Variants in AP3B1 observed in about 807,000 individuals in gnomAD.
AP3B1 encodes AP-3 complex subunit beta-1.
A neutral mutation model predicts 132.5 loss-of-function variants in AP3B1; 61 were observed. That is an observed-to-expected ratio of 0.46 (90% CI 0.37 to 0.57). The LOEUF (loss-of-function observed/expected upper bound fraction) is 0.57, where lower values mean the gene tolerates loss of function less well. AP3B1 is among the 20% of genes least tolerant of loss of function. The pLI, the probability that AP3B1 is intolerant of heterozygous loss-of-function variation, is 0.00. For missense variants in AP3B1, 1,120 were observed against 1,289.4 expected (o/e 0.87, Z 2.01); for synonymous variants, 388 against 438.3 (o/e 0.89, Z 1.43).
chr5:78,059,624 C>T (rs1748957965), intron 22 of AP3B1, among the ~76,000 whole-genome samples: 1 of 152,122 alleles, frequency 6.6e-6, no homozygotes, highest in South Asian at 2.1e-4. Flanking sequence ...GAGTGGCTCT[C>T]AAATTGTCAG....
rs560288972 is a variant in AP3B1, at chr5:78,262,120, A to G, written c.204+5400T>C. ...TGTGGGAGTTCTTTATATATTCTGG[A>G]TATCAATCCTTTATCAGATATATGA... On this transcript the variant is annotated intron_variant, in intron 2 of 26. Coordinates refer to ENST00000255194, the MANE Select transcript of AP3B1 (RefSeq NM_003664.5). 1.6e-3 allele frequency among the ~76,000 whole-genome samples: 238 copies of G among 152,242 alleles called. 2 individuals are homozygous for G. Among genetic ancestry groups the G allele is most frequent in the Admixed American group, 2.5e-3 (39 of 15,300 alleles).
intron 2 of AP3B1, among the ~76,000 whole-genome samples, chr5:78,251,876 C>A (rs533186496): frequency 1.3e-5 from 2 of 152,334 alleles, no homozygotes; most frequent in South Asian, 4.1e-4. Context: ...CTGACATTAT[C>A]TCTCCTAACC....
intron 15 of AP3B1, among the ~76,000 whole-genome samples, chr5:78,130,504 T>TA (rs1752641115): frequency 6.6e-6 from 1 of 152,056 alleles, no homozygotes; most frequent in African/African-American, 2.4e-5. Flanking sequence ...AGTAGAATTA[T>TA]AAAAAATACA....
At chr5:78,013,018 G>A (rs987633075) in intron 26 of AP3B1, among the ~76,000 whole-genome samples, 2 of 152,060 alleles carry the variant, frequency 1.3e-5, no homozygotes, top group Non-Finnish European at 1.5e-5. Flanking sequence ...TTCATTTTAT[G>A]TGGCTTTGTA....
intron 26 of AP3B1, 127 bp from the exon 27 acceptor site, chr5:78,003,182 G>T: frequency 9.1e-7 from 1 of 1,101,426 alleles, no homozygotes; most frequent in Non-Finnish European, 1.3e-6. Context: ...GCTCCCTATT[G>T]CCAAAAACCC....
chr5:78,122,116 T>C (rs1235287616), intron 17 of AP3B1, among the ~76,000 whole-genome samples: 2 of 152,222 alleles, frequency 1.3e-5, no homozygotes, highest in Non-Finnish European at 2.9e-5. Context: ...TCTCAATAGA[T>C]GCAGAAACGG....
chr5:78,066,844 C>T (rs914484682), intron 22 of AP3B1, among the ~76,000 whole-genome samples: 9 of 152,184 alleles, frequency 5.9e-5, no homozygotes, highest in South Asian at 2.1e-4. Flanking sequence ...GTGAGAAGAT[C>T]GACCCCAAGA....
intron 2 of AP3B1, among the ~76,000 whole-genome samples, chr5:78,243,936 T>C (rs943601470): frequency 3.3e-5 from 5 of 152,188 alleles, no homozygotes; most frequent in African/African-American, 1.2e-4. Flanking sequence ...CAATGACTCA[T>C]ATTTTAAAAG....
chr5:78,197,539 A>C (rs1170004289), intron 7 of AP3B1, among the ~76,000 whole-genome samples: 1 of 152,132 alleles, frequency 6.6e-6, no homozygotes, highest in Admixed American at 6.5e-5. Flanking sequence ...TCTAAACATA[A>C]ATGTTCACAA....
At chr5:78,084,222 T>G (rs927906015) in intron 22 of AP3B1, among the ~76,000 whole-genome samples, 3 of 152,106 alleles carry the variant, frequency 2.0e-5, no homozygotes, top group Non-Finnish European at 4.4e-5. Context: ...AGATATCAGA[T>G]GGGTCAATAA....
intron 24 of AP3B1, among the ~76,000 whole-genome samples, chr5:78,030,891 C>T (rs1164209793): frequency 6.6e-6 from 1 of 152,082 alleles, no homozygotes; most frequent in Non-Finnish European, 1.5e-5. Flanking sequence ...GTTACCCAGG[C>T]TGGTCTTGAA....
At chr5:78,118,671 C>A (rs1751987542) in intron 17 of AP3B1, among the ~76,000 whole-genome samples, 1 of 152,214 alleles carries the variant, frequency 6.6e-6, no homozygotes, top group Admixed American at 6.5e-5. Context: ...AACAAAGCAG[C>A]CAGGAAGCTC....
intron 22 of AP3B1, among the ~76,000 whole-genome samples, chr5:78,049,428 C>G (rs1028655589): frequency 6.6e-6 from 1 of 152,188 alleles, no homozygotes; most frequent in Non-Finnish European, 1.5e-5. Context: ...CAGCCCTGTG[C>G]TAAGGAGTAT....
At chr5:78,273,112 C>A (rs1234122882) in intron 1 of AP3B1, among the ~76,000 whole-genome samples, 1 of 148,248 alleles carries the variant, frequency 6.7e-6, no homozygotes, top group Non-Finnish European at 1.5e-5. Flanking sequence ...AAAAAGTGAG[C>A]CCCTAGGCCA....
rs1211455744 is a variant in AP3B1 at position 78,175,815 on chromosome 5, T to G, written c.1064A>C (p.Gln355Pro). The G allele has an allele frequency of 6.2e-7, 1 of 1,612,034 alleles. No homozygotes were observed. Among genetic ancestry groups the G allele is most frequent in the Non-Finnish European group, 8.5e-7 (1 of 1,179,238 alleles). Reference protein sequence around the residue: ...SNREVQYIVLQNIATMSIQRK... With the variant: ...SNREVQYIVLPNIATMSIQRK... ...TTGAATTGACATAGTTGCTATATTT[T>G]GTAGGACAATATACTGCACCTCCCT... The change falls in exon 10 of 27, where the codon CAA (glutamine) becomes CCA (proline). Residue 355 changes from glutamine to proline, a missense_variant. Coordinates refer to ENST00000255194, the MANE Select transcript of AP3B1 (RefSeq NM_003664.5).
At chr5:78,242,765 A>G (rs1240836876) in intron 2 of AP3B1, among the ~76,000 whole-genome samples, 1 of 151,938 alleles carries the variant, frequency 6.6e-6, no homozygotes, top group Admixed American at 6.6e-5. Flanking sequence ...ACTATTTTAC[A>G]TTTCTATTTA....
At chr5:78,153,195 T>A (rs556366472) in intron 14 of AP3B1, among the ~76,000 whole-genome samples, 93 of 152,324 alleles carry the variant, frequency 6.1e-4, no homozygotes, top group African/African-American at 2.1e-3. Flanking sequence ...CTAGTAACAT[T>A]TGCTTTATAT....
At position 78,225,629 on chromosome 5, in the gene AP3B1, A is replaced by G. The variant is rs771220397; in HGVS notation, c.537-21T>C. 8.5e-5 allele frequency: 124 copies of G among 1,456,006 alleles called. No homozygotes were observed. In the Admixed American group the frequency reaches 2.0e-3, roughly 23 times the overall value. The allele number at this position is 1,456,006 out of a possible 1,614,324, so 90.2% of individuals were successfully genotyped here. A position where few individuals can be genotyped will look rare whatever the true frequency, so the allele number is the denominator to read the frequency against. On this transcript the variant is annotated intron_variant, in intron 5 of 26. Transcript: ENST00000255194. ...CAAGGCTAAAAAATACAAAAATAAC[A>G]TATTAATTTTTCCCTTTAATTCTAG...
At chr5:78,110,712 G>A (rs535412346) in intron 19 of AP3B1, among the ~76,000 whole-genome samples, 3 of 149,292 alleles carry the variant, frequency 2.0e-5, no homozygotes, top group African/African-American at 4.9e-5. Flanking sequence ...GTGTGTGTGT[G>A]TGTATGTATG....
Sources: allele counts gnomAD v4.1 joint callset (sites outside exome capture counted in the v4.1 genomes callset), GRCh38; gene constraint gnomAD v4.1.1; transcripts MANE v1.5; gene names NCBI Gene and HGNC (gene_info 2026-07-23, HGNC 2026-07-21).